Variants in LRRTM4 observed in about 807,000 individuals in gnomAD.
LRRTM4 encodes the protein leucine-rich repeat transmembrane neuronal protein 4.
A neutral mutation model predicts 47.6 loss-of-function variants in LRRTM4; 25 were observed. The observed-to-expected ratio is 0.53, with a 90% confidence interval of 0.38 to 0.73. The LOEUF (loss-of-function observed/expected upper bound fraction) is 0.73, where lower values mean the gene tolerates loss of function less well. LRRTM4 is among the 30% of genes least tolerant of loss of function. The pLI is 0.00. For synonymous variants in LRRTM4, 311 were observed against 269.5 expected (o/e 1.15, Z -1.51); for missense variants, 638 against 713.4 (o/e 0.89, Z 1.20).
At chr2:77,325,259 A>C (rs941056071) in intron 3 of LRRTM4, among the ~76,000 whole-genome samples, 4 of 152,196 alleles carry the variant, frequency 2.6e-5, no homozygotes, top group African/African-American at 9.6e-5. Flanking sequence ...AACAAAAAAA[A>C]GATAGTTGAG....
At chr2:77,461,154 A>AGAGAGAGAGG (rs1676773092) in intron 3 of LRRTM4, among the ~76,000 whole-genome samples, 1 of 151,626 alleles carries the variant, frequency 6.6e-6, no homozygotes, top group African/African-American at 2.4e-5. Flanking sequence ...AGAGAGAGAG[A>AGAGAGAGAGG]GAGAGAGAGA....
At chr2:76,989,591 T>C (rs1446738073) in intron 3 of LRRTM4, among the ~76,000 whole-genome samples, 3 of 151,834 alleles carry the variant, frequency 2.0e-5, no homozygotes, top group Admixed American at 1.3e-4. Context: ...TTTCCCTGTC[T>C]TTGCAATGAA....
chr2:77,488,546 C>G (rs1678016382), intron 3 of LRRTM4, among the ~76,000 whole-genome samples: 1 of 152,124 alleles, frequency 6.6e-6, no homozygotes. Flanking sequence ...TTTCATCTGG[C>G]AAGGTGACAC....
At chr2:76,852,733 T>G (rs902127386) in intron 3 of LRRTM4, among the ~76,000 whole-genome samples, 1 of 152,126 alleles carries the variant, frequency 6.6e-6, no homozygotes, top group Non-Finnish European at 1.5e-5. Context: ...GAACTCAAAG[T>G]GTGGAGTGAG....
rs1486453330 is a variant in LRRTM4, at chr2:77,028,580, A to C, written c.1552-279664T>G. 2.0e-5 allele frequency among the ~76,000 whole-genome samples: 3 copies of C among 152,172 alleles called. No individual in the cohort carries two copies. The East Asian group carries it at 5.8e-4, about 29-fold the overall frequency. On this transcript the variant is annotated intron_variant, in intron 3 of 3. Coordinates refer to ENST00000409884, the MANE Select transcript of LRRTM4 (RefSeq NM_001134745.3). ...AATTATACCTATAATTTCAACAAGA[A>C]TAAGGTAAATATTGATTCTGAAAAG...
chr2:77,210,486 A>G (rs1337370494), intron 3 of LRRTM4, among the ~76,000 whole-genome samples: 1 of 152,204 alleles, frequency 6.6e-6, no homozygotes, highest in African/African-American at 2.4e-5. Context: ...CATCTTTCCA[A>G]TAATGCACAC....
chr2:77,318,009 T>TC (rs1191569315), intron 3 of LRRTM4, among the ~76,000 whole-genome samples: 1 of 144,452 alleles, frequency 6.9e-6, no homozygotes, highest in Non-Finnish European at 1.5e-5. Flanking sequence ...ACTTTTTTTT[T>TC]TTTTTTTTTT....
At chr2:77,356,565 T>C (rs1350404826) in intron 3 of LRRTM4, among the ~76,000 whole-genome samples, 1 of 152,138 alleles carries the variant, frequency 6.6e-6, no homozygotes, top group East Asian at 1.9e-4. Context: ...AGTACAGGAT[T>C]CAATTTGTTT....
At chr2:76,845,278 C>A (rs1413105288) in intron 3 of LRRTM4, among the ~76,000 whole-genome samples, 1 of 151,980 alleles carries the variant, frequency 6.6e-6, no homozygotes, top group East Asian at 1.9e-4. Flanking sequence ...ATCACTTGAG[C>A]CCAGGAGTTG....
chr2:77,193,888 T>C (rs1186062430), intron 3 of LRRTM4, among the ~76,000 whole-genome samples: 11 of 152,208 alleles, frequency 7.2e-5, no homozygotes, highest in Admixed American at 5.2e-4. Context: ...AAATGGAGAC[T>C]CATCCCTTTT....
chr2:77,149,934 AATAAAG>A lies in LRRTM4; in HGVS notation c.1551+368378_1551+368383del, dbSNP rs1275653633. On this transcript the variant is annotated intron_variant, in intron 3 of 3. Coordinates refer to ENST00000409884, the MANE Select transcript of LRRTM4 (RefSeq NM_001134745.3). The stretch of plus-strand genomic sequence containing the variant: ...GCTCACTTACATACATTACTGACTT[AATAAAG>A]ATAATCAGTGTGGTCCTCTTGGGAT... Among the ~76,000 whole-genome samples the A allele has an allele frequency of 7.2e-5, 11 of 152,248 alleles. No individual in the cohort carries two copies. In the Middle Eastern group the frequency reaches 0.02, roughly 282 times the overall value.
chr2:77,028,358 G>A (rs1678526255), intron 3 of LRRTM4, among the ~76,000 whole-genome samples: 1 of 152,152 alleles, frequency 6.6e-6, no homozygotes, highest in South Asian at 2.1e-4. Flanking sequence ...ACATTAATCA[G>A]AGGATTTCCA....
intron 3 of LRRTM4, among the ~76,000 whole-genome samples, chr2:77,327,349 T>C (rs191908639): frequency 6.6e-6 from 1 of 152,334 alleles, no homozygotes; most frequent in African/African-American, 2.4e-5. Flanking sequence ...TCTCAGCTCC[T>C]ACAGCTTTCC....
chr2:77,266,930 T>A (rs1306663731), intron 3 of LRRTM4, among the ~76,000 whole-genome samples: 1 of 152,110 alleles, frequency 6.6e-6, no homozygotes, highest in Non-Finnish European at 1.5e-5. Context: ...GTACAAGTTC[T>A]GAGGAAACAA....
At chr2:77,058,608 GTATTCCCAATATA>G (rs1396886207) in intron 3 of LRRTM4, among the ~76,000 whole-genome samples, 1 of 150,354 alleles carries the variant, frequency 6.7e-6, no homozygotes, top group Non-Finnish European at 1.5e-5. Flanking sequence ...AATCATCATT[GTATTCCCAATATA>G]TTTCAAGGGT....
chr2:77,030,350 C>T (rs1251148996), intron 3 of LRRTM4, among the ~76,000 whole-genome samples: 1 of 152,126 alleles, frequency 6.6e-6, no homozygotes, highest in Non-Finnish European at 1.5e-5. Flanking sequence ...AGGAGAATCG[C>T]TTGAACTGGG....
At chr2:76,780,547 G>A (rs143281648) in intron 3 of LRRTM4, among the ~76,000 whole-genome samples, 10,835 of 151,792 alleles carry the variant, frequency 0.071, 1,244 homozygotes, top group African/African-American at 0.24. Flanking sequence ...CCAGTTGATC[G>A]CATCGGCTCC....
intron 3 of LRRTM4, among the ~76,000 whole-genome samples, chr2:77,158,681 A>T (rs146380554): frequency 3.3e-5 from 5 of 152,222 alleles, no homozygotes; most frequent in African/African-American, 1.2e-4. Flanking sequence ...TTTTACATAC[A>T]TTTGGATTCT....
intron 3 of LRRTM4, among the ~76,000 whole-genome samples, chr2:77,114,010 T>C (rs1390643518): frequency 3.9e-5 from 6 of 151,990 alleles, no homozygotes. Flanking sequence ...GAATTAGATA[T>C]TGAATTCTCA....
Sources: allele counts gnomAD v4.1 joint callset (sites outside exome capture counted in the v4.1 genomes callset), GRCh38; gene constraint gnomAD v4.1.1; transcripts MANE v1.5; gene names NCBI Gene and HGNC (gene_info 2026-07-23, HGNC 2026-07-21).